The following MFN1 variants were observed in gnomAD, a reference collection of about 807,000 sequenced individuals.
MFN1 encodes the protein mitofusin 1, also known as mitofusin-1.
A neutral mutation model predicts 92.4 loss-of-function variants in MFN1; 65 were observed. The observed-to-expected ratio is 0.70, with a 90% confidence interval of 0.58 to 0.86. The LOEUF (loss-of-function observed/expected upper bound fraction) is 0.86. MFN1 is among the 40% of genes least tolerant of loss of function. The pLI, the probability that MFN1 is intolerant of heterozygous loss-of-function variation, is 0.00. For synonymous variants in MFN1, 297 were observed against 300.9 expected (o/e 0.99, Z 0.13); for missense variants, 781 against 868.0 (o/e 0.90, Z 1.26).
At chr3:179,350,066 T>C (rs564051973) in intron 2 of MFN1, among the ~76,000 whole-genome samples, 16 of 151,670 alleles carry the variant, frequency 1.1e-4, no homozygotes, top group Non-Finnish European at 1.8e-4. Flanking sequence ...GGAGGGAGAA[T>C]CGCTTGAACC....
At chr3:179,361,259 AT>A (rs1331911474) in intron 4 of MFN1, among the ~76,000 whole-genome samples, 1 of 152,088 alleles carries the variant, frequency 6.6e-6, no homozygotes, top group East Asian at 1.9e-4. Context: ...TAAAGAAATC[AT>A]CTCTCATTTT....
intron 7 of MFN1, among the ~76,000 whole-genome samples, chr3:179,365,611 A>G (rs1712756839): frequency 1.3e-5 from 2 of 152,196 alleles, no homozygotes; most frequent in South Asian, 4.1e-4. Context: ...ATCCAGATCA[A>G]AAAGCAGACC....
chr3:179,363,077 AT>A (rs1405451572), intron 5 of MFN1, among the ~76,000 whole-genome samples: 1 of 152,198 alleles, frequency 6.6e-6, no homozygotes. Context: ...TGGTACCAAA[AT>A]GGGTAACGGT....
intron 4 of MFN1, among the ~76,000 whole-genome samples, chr3:179,361,004 G>T (rs1018664253): frequency 1.3e-5 from 2 of 152,078 alleles, no homozygotes; most frequent in Admixed American, 6.5e-5. Flanking sequence ...CATACCTGTA[G>T]TCCCAGCTAC....
chr3:179,394,610 T>A lies in MFN1; in HGVS notation c.*2551T>A, dbSNP rs1243278636. 6.6e-6 allele frequency: 1 copy of A among 151,480 alleles called. No individual in the cohort carries two copies. The highest frequency in any genetic ancestry group is 1.5e-5 in the Non-Finnish European group (1 of 67,874). 9.4% of individuals were successfully genotyped at this position (151,480 alleles called of 1,614,324 possible). Reference sequence around the variant, plus strand: ...TTTTGTATTTTTAGTAGAGACGGGGTTTCACCGTGTTAGCCAGGATGGTCT... The same window carrying A: ...TTTTGTATTTTTAGTAGAGACGGGGATTCACCGTGTTAGCCAGGATGGTCT... On this transcript the variant is annotated 3_prime_UTR_variant, in exon 18 of 18. Coordinates refer to ENST00000471841, the MANE Select transcript of MFN1 (RefSeq NM_033540.3).
chr3:179,350,740 C>T lies in MFN1; in HGVS notation c.113-1160C>T, dbSNP rs1199042842. Reference sequence around the variant, plus strand: ...CCAAATTGCACATATTTTATTAATGCGTTAGAAAAGTATGGTGAGATATGA... The same window carrying T: ...CCAAATTGCACATATTTTATTAATGTGTTAGAAAAGTATGGTGAGATATGA... On this transcript the variant is annotated intron_variant, in intron 2 of 17. Coordinates refer to ENST00000471841, the MANE Select transcript of MFN1 (RefSeq NM_033540.3). Among the ~76,000 whole-genome samples the T allele has an allele frequency of 3.9e-5, 6 of 152,092 alleles. 2 individuals carry two copies. Among genetic ancestry groups the T allele is most frequent in the African/African-American group, 1.4e-4 (6 of 41,404 alleles).
In MFN1 at chr3:179,377,136, A is replaced by G; in HGVS notation, c.1192A>G (p.Ile398Val). The G allele has an allele frequency of 1.2e-6, 2 of 1,613,880 alleles. No individual in the cohort carries two copies. Among genetic ancestry groups the G allele is most frequent in the Non-Finnish European group, 1.7e-6 (2 of 1,179,912 alleles). The stretch of plus-strand genomic sequence containing the variant: ...TTTAACACTGGATGTTAAGAAAAAA[A>G]TCAAGGAGGTTACCGAGGAGGTGGC... The part of the protein sequence containing the change: ...NLLTLDVKKK[I>V]KEVTEEVANK... Residue 398 changes from isoleucine (I) to valine (V), a missense_variant, in exon 11 of 18, where the codon ATC becomes GTC. By Grantham distance (29) the Ile-to-Val change is conservative. Transcript: ENST00000471841.
At position 179,350,222 on chromosome 3, in the gene MFN1, C is replaced by T. The variant is rs182205722; in HGVS notation, c.112+1259C>T. ...GGAGGGATTCTGTAAATTTTTCCAG[C>T]GACAGTGGGGAAACCTTTGGTAGAT... On this transcript the variant is annotated intron_variant, in intron 2 of 17. Coordinates refer to ENST00000471841, the MANE Select transcript of MFN1 (RefSeq NM_033540.3). Among the ~76,000 whole-genome samples the T allele has an allele frequency of 6.1e-4, 92 of 151,960 alleles. 1 individual carries two copies. The highest frequency in any genetic ancestry group is 1.8e-4 in the Non-Finnish European group (12 of 67,952).
intron 5 of MFN1, 113 bp from the exon 6 acceptor site, chr3:179,364,184 A>G (rs1393457555): frequency 1.1e-5 from 7 of 616,176 alleles, no homozygotes; most frequent in Non-Finnish European, 1.9e-5. Flanking sequence ...TACAGATGAC[A>G]GCTGGAAATC....
chr3:179,377,424 A>G lies in MFN1; in HGVS notation c.1305A>G (p.Pro435=). The G allele has an allele frequency of 1.3e-6, 2 of 1,594,322 alleles. No individual in the cohort carries two copies. Among genetic ancestry groups the G allele is most frequent in the Non-Finnish European group, 8.6e-7 (1 of 1,166,770 alleles). The part of the protein sequence containing the change: ...DEFCSEFHPN[P]DVLKIYKSEL... ...TTTGTTCAGAGTTTCATCCTAATCC[A>G]GATGTATTAAAAATATATAAAAGTG... The change falls in exon 12 of 18, where the codon CCA becomes CCG. Residue 435 remains proline, a synonymous_variant. Transcript: ENST00000471841.
At chr3:179,391,365 CAA>C (rs1713894949) in intron 17 of MFN1, among the ~76,000 whole-genome samples, 1 of 151,658 alleles carries the variant, frequency 6.6e-6, no homozygotes, top group Admixed American at 6.6e-5. Context: ...TTAAAAAAAA[CAA>C]ATACCATAAT....
intron 9 of MFN1, among the ~76,000 whole-genome samples, chr3:179,373,754 A>AG (rs1713112076): frequency 6.6e-6 from 1 of 151,832 alleles, no homozygotes; most frequent in Admixed American, 6.6e-5. Context: ...GCTCACTGCA[A>AG]GCTCCACCTT....
chr3:179,390,272 T>C (rs1292912329), intron 17 of MFN1, 134 bp downstream of exon 17: 1 of 790,546 alleles, frequency 1.3e-6, no homozygotes, highest in African/African-American at 1.8e-5. Flanking sequence ...CCATATTTAA[T>C]TCCATGTGGT....
intron 3 of MFN1, among the ~76,000 whole-genome samples, chr3:179,353,840 G>T (rs959044255): frequency 3.9e-5 from 6 of 152,076 alleles, no homozygotes; most frequent in African/African-American, 1.4e-4. Flanking sequence ...AATTCCCTTT[G>T]CCTACAACTC....
chr3:179,388,156 T>C (rs1713764412), intron 16 of MFN1, among the ~76,000 whole-genome samples: 1 of 151,802 alleles, frequency 6.6e-6, no homozygotes, highest in Non-Finnish European at 1.5e-5. Flanking sequence ...CCCAAAGTGT[T>C]GGGATCACAG....
chr3:179,364,476 C>A, intron 6 of MFN1, 71 bp downstream of exon 6: 2 of 1,209,048 alleles, frequency 1.7e-6, no homozygotes, highest in African/African-American at 1.5e-5. Flanking sequence ...TTCTGAAAAG[C>A]AAGGGAAATC....
Position 179,391,356 on chromosome 3 carries a change from TAAAA to T in MFN1, c.2148-620_2148-617del, listed in dbSNP as rs539991291. Reference sequence around the variant, plus strand: ...AATCATTTTTCTAATAGAAAAAAGTTAAAAAAAACAAATACCATAATATTTGGAA... The same window carrying T: ...AATCATTTTTCTAATAGAAAAAAGTTAAAACAAATACCATAATATTTGGAA... On this transcript the variant is annotated intron_variant, in intron 17 of 17. Coordinates refer to ENST00000471841, the MANE Select transcript of MFN1 (RefSeq NM_033540.3). Among the ~76,000 whole-genome samples, 201 of 151,964 alleles carry T rather than the reference TAAAA, an allele frequency of 1.3e-3. 3 individuals are homozygous for T. The highest frequency in any genetic ancestry group is 0.011 in the Admixed American group (168 of 15,252).
At chr3:179,383,007 A>G (rs1275760667) in intron 14 of MFN1, among the ~76,000 whole-genome samples, 2 of 152,014 alleles carry the variant, frequency 1.3e-5, no homozygotes, top group South Asian at 2.1e-4. Flanking sequence ...ATTTTCTCCC[A>G]TTCTGTAGGT....
intron 9 of MFN1, among the ~76,000 whole-genome samples, chr3:179,370,472 C>T (rs555017200): frequency 2.2e-5 from 3 of 136,316 alleles, no homozygotes; most frequent in East Asian, 2.3e-4. Flanking sequence ...AGTGCAGCGG[C>T]GCGATGTCAG....
Sources: allele counts gnomAD v4.1 joint callset (sites outside exome capture counted in the v4.1 genomes callset), GRCh38; gene constraint gnomAD v4.1.1; transcripts MANE v1.5; gene names NCBI Gene and HGNC (gene_info 2026-07-23, HGNC 2026-07-21).